The following RHOU variants were observed in gnomAD, a reference collection of about 807,000 sequenced individuals.
RHOU encodes ras homolog family member U.
In RHOU, 8 loss-of-function variants were observed where a neutral mutation model predicts 12.6. That is an observed-to-expected ratio of 0.64 (90% CI 0.37 to 1.15). RHOU has a LOEUF of 1.15. Ranked by LOEUF, RHOU falls within the 50% of genes most tolerant of loss-of-function variation. The pLI, the probability that RHOU is intolerant of heterozygous loss-of-function variation, is 0.01. For missense variants in RHOU, 258 were observed against 347.0 expected (o/e 0.74, Z 2.04); for synonymous variants, 161 against 147.4 (o/e 1.09, Z -0.67).
upstream of RHOU, among the ~76,000 whole-genome samples, chr1:228,732,752 A>G (rs1166373292): frequency 1.3e-5 from 2 of 152,200 alleles, no homozygotes; most frequent in Non-Finnish European, 2.9e-5. Context: ...AAAAACTGAC[A>G]GCTGGCCAGA....
the RHOU span, among the ~76,000 whole-genome samples, chr1:228,723,939 C>T: frequency 5.3e-5 from 8 of 152,180 alleles, no homozygotes; most frequent in African/African-American, 1.2e-4. Context: ...TTGCCTGGAA[C>T]GCTGTTTCTT....
chr1:228,740,396 TAGAACCAACTTCAAAACTTTTGAAGA>T (rs1157091681), intron 2 of RHOU, among the ~76,000 whole-genome samples: 2 of 152,236 alleles, frequency 1.3e-5, no homozygotes, highest in African/African-American at 4.8e-5. Context: ...TGTAGACTTT[TAGAACCAACTTCAAAACTTTTGAAGA>T]AGAACCATCT....
At chr1:228,678,745 G>A in the RHOU span, among the ~76,000 whole-genome samples, 4 of 152,092 alleles carry the variant, frequency 2.6e-5, no homozygotes, top group African/African-American at 9.7e-5. Flanking sequence ...GAGAGGTAGT[G>A]GAGGAGGGCA....
chr1:228,741,068 T>C (rs1662711501), intron 2 of RHOU, among the ~76,000 whole-genome samples: 2 of 151,606 alleles, frequency 1.3e-5, no homozygotes, highest in African/African-American at 4.9e-5. Flanking sequence ...TTTTGACCCA[T>C]AAAGTACTTG....
chr1:228,651,426 T>C, the RHOU span: 54 of 153,984 alleles, frequency 3.5e-4, no homozygotes, highest in South Asian at 0.011. Flanking sequence ...GCTATGACTT[T>C]TGTTTTTAAG....
chr1:228,659,101 G>T, the RHOU span, among the ~76,000 whole-genome samples: 1 of 152,138 alleles, frequency 6.6e-6, no homozygotes, highest in Non-Finnish European at 1.5e-5. Context: ...ACAAAAAGCC[G>T]AGCGTCATGG....
the RHOU span, among the ~76,000 whole-genome samples, chr1:228,695,575 T>A: frequency 6.6e-6 from 1 of 152,194 alleles, no homozygotes; most frequent in Non-Finnish European, 1.5e-5. Flanking sequence ...CACTTCCTCC[T>A]TGAGTTTGGT....
At chr1:228,739,118 C>T (rs1373602880) in intron 2 of RHOU, among the ~76,000 whole-genome samples, 1 of 152,048 alleles carries the variant, frequency 6.6e-6, no homozygotes, top group Non-Finnish European at 1.5e-5. Context: ...AAGATCCCAT[C>T]TCTTGGGGGT....
At chr1:228,678,661 G>A in the RHOU span, among the ~76,000 whole-genome samples, 1 of 152,160 alleles carries the variant, frequency 6.6e-6, no homozygotes, top group Non-Finnish European at 1.5e-5. Context: ...CATATTTAGA[G>A]TCAGTATAAA....
At chr1:228,663,111 T>G in the RHOU span, among the ~76,000 whole-genome samples, 1 of 152,208 alleles carries the variant, frequency 6.6e-6, no homozygotes. Context: ...TATTTGAAAA[T>G]TATGTGAAAT....
At chr1:228,675,879 C>T in the RHOU span, among the ~76,000 whole-genome samples, 3 of 151,832 alleles carry the variant, frequency 2.0e-5, no homozygotes, top group Non-Finnish European at 4.4e-5. Flanking sequence ...GCCCAGGATA[C>T]ACTTTCAGGT....
the RHOU span, among the ~76,000 whole-genome samples, chr1:228,716,524 T>C: frequency 6.6e-6 from 1 of 152,158 alleles, no homozygotes. Flanking sequence ...TTCCTAACAT[T>C]TTACACACAT....
chr1:228,739,209 G>A (rs1015068005), intron 2 of RHOU, among the ~76,000 whole-genome samples: 1 of 152,184 alleles, frequency 6.6e-6, no homozygotes, highest in Non-Finnish European at 1.5e-5. Flanking sequence ...TATAATTCAA[G>A]CTTCATTTCC....
At chr1:228,700,310 C>T in the RHOU span, among the ~76,000 whole-genome samples, 1 of 152,174 alleles carries the variant, frequency 6.6e-6, no homozygotes, top group Admixed American at 6.5e-5. Flanking sequence ...GCATGAAAAT[C>T]TGGCAAAGTA....
the RHOU span, among the ~76,000 whole-genome samples, chr1:228,698,098 T>C: frequency 6.6e-6 from 1 of 152,188 alleles, no homozygotes. Context: ...ACGTCTACAG[T>C]TTTACAGATC....
the RHOU span, among the ~76,000 whole-genome samples, chr1:228,730,052 A>G: frequency 3.9e-5 from 6 of 152,318 alleles, no homozygotes; most frequent in East Asian, 1.2e-3. Flanking sequence ...AAACATGGCA[A>G]GACATTTTCC....
chr1:228,707,712 C>G, the RHOU span, among the ~76,000 whole-genome samples: 1 of 152,224 alleles, frequency 6.6e-6, no homozygotes, highest in African/African-American at 2.4e-5. Context: ...TGGAGAAAAA[C>G]CAGAGCAGAA....
At position 228,743,406 on chromosome 1, in the gene RHOU, G is replaced by T; in HGVS notation, c.443G>T (p.Arg148Leu). The change falls in exon 3 of 3, where the codon CGA becomes CTA. Residue 148 changes from arginine to leucine, a missense_variant. By Grantham distance (102) the Arg-to-Leu change is moderately radical (BLOSUM62 -2). Transcript: ENST00000366691. The surrounding 1 kb of genome is among the most constrained non-coding windows in gnomAD (Gnocchi z 5.1). ...NVSEKWVPEI[R>L]CHCPKAPIIL... Reference sequence around the variant, plus strand: ...AGTGAGAAATGGGTGCCGGAGATTCGATGCCACTGTCCCAAAGCCCCCATC... The same window carrying T: ...AGTGAGAAATGGGTGCCGGAGATTCTATGCCACTGTCCCAAAGCCCCCATC... 6.2e-7 allele frequency: 1 copy of T among 1,614,098 alleles called. No homozygotes were observed. The highest frequency in any genetic ancestry group is 1.1e-5 in the South Asian group (1 of 91,078).
At chr1:228,656,791 A>T in the RHOU span, among the ~76,000 whole-genome samples, 1 of 152,198 alleles carries the variant, frequency 6.6e-6, no homozygotes, top group Non-Finnish European at 1.5e-5. Flanking sequence ...TATAATGCAT[A>T]TAAAAAAAGG....
Sources: gnomAD v4.1 joint callset for allele counts (sites outside exome capture counted in the v4.1 genomes callset) on GRCh38, gnomAD v4.1.1 for gene constraint, Gnocchi (gnomAD v3.1) non-coding constraint, MANE v1.5 for transcripts, NCBI Gene and HGNC (gene_info 2026-07-23, HGNC 2026-07-21) for gene names.